PCDHGA7: variants seen among roughly 807,000 people sequenced by gnomAD.
The protein encoded by PCDHGA7 is protocadherin gamma-A7.
In PCDHGA7, 44 loss-of-function variants were observed where a neutral mutation model predicts 58.3. The ratio of observed to expected loss-of-function variants is 0.75; its 90% CI spans 0.59 to 0.97. The LOEUF is 0.97. Among genes scored for constraint, PCDHGA7 ranks in the 50% least tolerant of loss-of-function variants. The pLI is 0.00. For missense variants in PCDHGA7, 1,266 were observed against 1,188.7 expected (o/e 1.06, Z -0.96); for synonymous variants, 516 against 504.2 (o/e 1.02, Z -0.31).
intron 1 of PCDHGA7, chr5:141,400,578 T>C: frequency 6.2e-7 from 1 of 1,610,934 alleles, no homozygotes; most frequent in Non-Finnish European, 8.5e-7. Context: ...TTTCTGTATT[T>C]ACATGAAACT....
intron 1 of PCDHGA7, among the ~76,000 whole-genome samples, chr5:141,483,164 T>C (rs1051456583): frequency 1.1e-4 from 17 of 152,148 alleles, no homozygotes; most frequent in Non-Finnish European, 2.5e-4. Context: ...AGATCCTGAG[T>C]TACCTTTGGG....
intron 1 of PCDHGA7, among the ~76,000 whole-genome samples, chr5:141,433,989 T>C (rs898601470): frequency 6.6e-6 from 1 of 152,248 alleles, no homozygotes; most frequent in Non-Finnish European, 1.5e-5. Context: ...AGAAGAGTTT[T>C]ATATTCTCTA....
In PCDHGA7 at chr5:141,491,634, C is replaced by T; in HGVS notation, c.2425-3173C>T. On this transcript the variant is annotated intron_variant, in intron 1 of 3. Coordinates refer to ENST00000518325, the MANE Select transcript of PCDHGA7 (RefSeq NM_018920.4). This position sits in a 1 kb window ranked among gnomAD's most constrained non-coding sequence, Gnocchi z 6.9. ...TAAGACCCCTCAGCGTTCAGCAGCC[C>T]ACAGCTCTGGCGCTGGAGCCTGACG... 1 of 1,613,892 alleles carries T rather than the reference C, an allele frequency of 6.2e-7. No individual in the cohort carries two copies. Among genetic ancestry groups the T allele is most frequent in the South Asian group, 1.1e-5 (1 of 91,084 alleles).
At chr5:141,467,627 G>A (rs2099147481) in intron 1 of PCDHGA7, among the ~76,000 whole-genome samples, 1 of 152,140 alleles carries the variant, frequency 6.6e-6, no homozygotes, top group South Asian at 2.1e-4. Context: ...ATTTGAGATA[G>A]CATCTTTATC....
intron 1 of PCDHGA7, among the ~76,000 whole-genome samples, chr5:141,437,250 G>T (rs1191184272): frequency 6.6e-6 from 1 of 152,102 alleles, no homozygotes; most frequent in African/African-American, 2.4e-5. Flanking sequence ...GACTTTCCTT[G>T]TCTTTTTATG....
At chr5:141,478,845 A>G in intron 1 of PCDHGA7, 2 of 1,389,784 alleles carry the variant, frequency 1.4e-6, no homozygotes, top group Non-Finnish European at 9.5e-7. Flanking sequence ...TGGTTAAGCT[A>G]AAACACAAGA....
intron 1 of PCDHGA7, among the ~76,000 whole-genome samples, chr5:141,433,397 A>ATCTATCTG (rs1554126017): frequency 5.3e-5 from 8 of 150,410 alleles, no homozygotes; most frequent in Non-Finnish European, 1.2e-4. Context: ...CTATCTATCT[A>ATCTATCTG]TCTATCTATT....
intron 1 of PCDHGA7, chr5:141,421,377 C>T (rs1168242339): frequency 1.9e-6 from 3 of 1,613,924 alleles, no homozygotes; most frequent in South Asian, 1.1e-5. Context: ...GCAATATCTC[C>T]AAGGACCTGG....
chr5:141,492,557 G>A (rs2154587614), intron 1 of PCDHGA7, among the ~76,000 whole-genome samples: 1 of 152,350 alleles, frequency 6.6e-6, no homozygotes, highest in East Asian at 1.9e-4. Flanking sequence ...TCGCCTGGGG[G>A]GCGGCCTGAG....
intron 1 of PCDHGA7, chr5:141,440,369 G>A (rs2098171994): frequency 6.6e-6 from 1 of 152,156 alleles, no homozygotes; most frequent in African/African-American, 2.4e-5. Context: ...GGGGGGCCGA[G>A]GCAGGAGAAT....
intron 1 of PCDHGA7, among the ~76,000 whole-genome samples, chr5:141,446,698 G>A (rs750413432): frequency 2.0e-5 from 3 of 152,186 alleles, no homozygotes; most frequent in Admixed American, 6.5e-5. Flanking sequence ...GGCTGGTCTC[G>A]AACTCTGATC....
At position 141,421,347 on chromosome 5, in the gene PCDHGA7, C is replaced by T. The variant is rs147068995; in HGVS notation, c.2424+36024C>T. 359 of 1,613,948 alleles carry T rather than the reference C, an allele frequency of 2.2e-4. 2 individuals carry two copies. In the East Asian group the frequency reaches 6.5e-3, roughly 29 times the overall value. On this transcript the variant is annotated intron_variant, in intron 1 of 3. Coordinates refer to ENST00000518325, the MANE Select transcript of PCDHGA7 (RefSeq NM_018920.4). ...TCCGATATTCGGTGCCAGAAGAGAC[C>T]GAAAAGGGCTCCTTCGTGGGCAATA...
intron 1 of PCDHGA7, among the ~76,000 whole-genome samples, chr5:141,462,029 G>A (rs535977332): frequency 6.6e-6 from 1 of 152,260 alleles, no homozygotes; most frequent in East Asian, 1.9e-4. Context: ...CTTCATGTTG[G>A]TCAGGCGGGT....
chr5:141,384,461 A>G lies in PCDHGA7; in HGVS notation c.1562A>G (p.Asp521Gly). The G allele has an allele frequency of 6.2e-7, 1 of 1,614,078 alleles. No individual in the cohort carries two copies. The highest frequency in any genetic ancestry group is 8.5e-7 in the Non-Finnish European group (1 of 1,179,934). Residue 521 changes from aspartate to glycine, a missense_variant, in exon 1 of 4, where the codon GAT becomes GGT. Asp to Gly is a moderately conservative substitution (Grantham distance 94). Coordinates refer to ENST00000518325, the MANE Select transcript of PCDHGA7 (RefSeq NM_018920.4). ...TGVLYALQSF[D>G]YEQLRELQLR... is the part of the protein sequence containing the mutation. ...GTCCTGTACGCGCTGCAATCCTTTG[A>G]TTATGAGCAGTTGAGAGAACTACAA...
intron 1 of PCDHGA7, among the ~76,000 whole-genome samples, chr5:141,429,654 T>C (rs1373502548): frequency 6.6e-6 from 1 of 152,232 alleles, no homozygotes; most frequent in Non-Finnish European, 1.5e-5. Context: ...TTCTTCCCAA[T>C]TTAAAATATA....
At chr5:141,409,920 C>G in intron 1 of PCDHGA7, 1 of 1,613,400 alleles carries the variant, frequency 6.2e-7, no homozygotes, top group Non-Finnish European at 8.5e-7. Flanking sequence ...GACGGCTCCG[C>G]GTTCTTCGAT....
chr5:141,397,375 T>C (rs2093516481), intron 1 of PCDHGA7, among the ~76,000 whole-genome samples: 1 of 152,174 alleles, frequency 6.6e-6, no homozygotes, highest in South Asian at 2.1e-4. Context: ...TGTTTGGGGA[T>C]TGGTATAAAA....
Position 141,456,055 on chromosome 5 carries a change from G to A in PCDHGA7, c.2425-38752G>A, listed in dbSNP as rs78682041. On this transcript the variant is annotated intron_variant, in intron 1 of 3. Coordinates refer to ENST00000518325, the MANE Select transcript of PCDHGA7 (RefSeq NM_018920.4). Reference sequence around the variant, plus strand: ...TGGGACTACAGGCGCCCACCACCACGTCCGGCTAATTTTTTGTATTTTCAG... The same window carrying A: ...TGGGACTACAGGCGCCCACCACCACATCCGGCTAATTTTTTGTATTTTCAG... Among the ~76,000 whole-genome samples, 302 of 151,836 alleles carry A rather than the reference G, an allele frequency of 2.0e-3. 1 individual carries two copies. The highest frequency in any genetic ancestry group is 0.01 in the Middle Eastern group (3 of 292).
At position 141,383,927 on chromosome 5, in the gene PCDHGA7, A is replaced by C; in HGVS notation, c.1028A>C (p.Asn343Thr). Residue 343 changes from asparagine to threonine, a missense_variant, in exon 1 of 4, where the codon AAT (asparagine) becomes ACT (threonine). By Grantham distance (65) the Asn-to-Thr change is moderately conservative. Coordinates refer to ENST00000518325, the MANE Select transcript of PCDHGA7 (RefSeq NM_018920.4). The part of the protein sequence containing the change: ...VLITVLDVND[N>T]APEVTMTSLS... ...ATCACAGTTTTAGATGTAAATGATA[A>C]TGCTCCAGAAGTGACTATGACGTCT... The C allele has an allele frequency of 6.2e-7, 1 of 1,613,800 alleles. No homozygotes were observed. Among genetic ancestry groups the C allele is most frequent in the Non-Finnish European group, 8.5e-7 (1 of 1,179,810 alleles).
Sources: gnomAD v4.1 joint callset for allele counts (sites outside exome capture counted in the v4.1 genomes callset) on GRCh38, gnomAD v4.1.1 for gene constraint, Gnocchi (gnomAD v3.1) non-coding constraint, MANE v1.5 for transcripts, NCBI Gene and HGNC (gene_info 2026-07-23, HGNC 2026-07-21) for gene names.